Variants in CNNM2 observed in about 807,000 individuals in gnomAD.
CNNM2 encodes the protein metal transporter CNNM2.
A neutral mutation model predicts 66.9 loss-of-function variants in CNNM2; 12 were observed. That is an observed-to-expected ratio of 0.18 (90% CI 0.11 to 0.29). The LOEUF (loss-of-function observed/expected upper bound fraction) is 0.29, where lower values mean the gene tolerates loss of function less well. Ranked by LOEUF, CNNM2 falls within the 10% of genes least tolerant of loss-of-function variation. CNNM2 has a pLI of 1.00. For missense variants in CNNM2, 705 were observed against 1,167.7 expected (o/e 0.60, Z 5.77); for synonymous variants, 557 against 501.8 (o/e 1.11, Z -1.47).
intron 4 of CNNM2, among the ~76,000 whole-genome samples, chr10:103,066,395 G>A (rs1436763267): frequency 2.6e-5 from 4 of 151,972 alleles, no homozygotes; most frequent in Admixed American, 6.6e-5. Flanking sequence ...TGGCTTCTTC[G>A]AATCATGCTG....
intron 1 of CNNM2, chr10:102,927,606 T>G: frequency 1.5e-6 from 1 of 685,720 alleles, no homozygotes; most frequent in South Asian, 2.2e-5. Flanking sequence ...CTAATAAAAA[T>G]ACAGAAAAAT....
intron 1 of CNNM2, among the ~76,000 whole-genome samples, chr10:102,950,713 C>T (rs1328651251): frequency 6.6e-6 from 1 of 151,858 alleles, no homozygotes; most frequent in Non-Finnish European, 1.5e-5. Flanking sequence ...ATGATTAAAC[C>T]AGTACACTCC....
chr10:102,919,086 C>G lies in CNNM2; in HGVS notation c.606C>G (p.Ala202=). Reference sequence around the variant, plus strand: ...CGCTCTCCACGCCCGCCCTGGGCGCCGGCGGCTCGGGGTCCACGGGTGGCG... The same window carrying G: ...CGCTCTCCACGCCCGCCCTGGGCGCGGGCGGCTCGGGGTCCACGGGTGGCG... The part of the protein sequence containing the change: ...CTSLSTPALG[A]GGSGSTGGAV... Residue 202 remains alanine (A), a synonymous_variant, in exon 1 of 8, where the codon GCC becomes GCG. Transcript: ENST00000369878. 1.9e-6 allele frequency: 3 copies of G among 1,611,918 alleles called. No individual in the cohort carries two copies. Among genetic ancestry groups the G allele is most frequent in the Non-Finnish European group, 2.5e-6 (3 of 1,179,352 alleles).
intron 1 of CNNM2, among the ~76,000 whole-genome samples, chr10:103,014,485 G>A (rs768341673): frequency 1.3e-5 from 2 of 152,154 alleles, no homozygotes; most frequent in Non-Finnish European, 2.9e-5. Flanking sequence ...AAGGTCAAGC[G>A]GGTGAGAATT....
Position 103,087,140 on chromosome 10 carries a change from A to ATTTTTTTTTTTTTTTTTTTTT in CNNM2, c.*9972_*9992dup, listed in dbSNP as rs71019655. Reference sequence around the variant, plus strand: ...TTCTCACGGTATAAAACTCCGCAGGATTTTTTTTTTTTTTTTTTTTTTTTT... The same window carrying ATTTTTTTTTTTTTTTTTTTTT: ...TTCTCACGGTATAAAACTCCGCAGGATTTTTTTTTTTTTTTTTTTTTTTTTTTTTTTTTTTTTTTTTTTTTT... On this transcript the variant is annotated 3_prime_UTR_variant, in exon 8 of 8. Coordinates refer to ENST00000369878, the MANE Select transcript of CNNM2 (RefSeq NM_017649.5). The ATTTTTTTTTTTTTTTTTTTTT allele has an allele frequency of 1.3e-5, 1 of 75,376 alleles. No individual in the cohort carries two copies. Among genetic ancestry groups the ATTTTTTTTTTTTTTTTTTTTT allele is most frequent in the African/African-American group, 5.8e-5 (1 of 17,298 alleles). 4.7% of individuals were successfully genotyped at this position (75,376 alleles called of 1,614,324 possible).
Position 103,084,496 on chromosome 10 carries a change from A to G in CNNM2, c.*7316A>G, listed in dbSNP as rs2065785190. On this transcript the variant is annotated 3_prime_UTR_variant, in exon 8 of 8. Coordinates refer to ENST00000369878, the MANE Select transcript of CNNM2 (RefSeq NM_017649.5). ...AGAAAGTGGCAGCAGAGCTAGGGAA[A>G]GAAATCATGGTAGCACATTCACTCC... is the stretch of plus-strand genomic sequence containing the variant. The G allele has an allele frequency of 6.6e-6, 1 of 152,260 alleles. No homozygotes were observed. Among genetic ancestry groups the G allele is most frequent in the Non-Finnish European group, 1.5e-5 (1 of 68,054 alleles). 9.4% of individuals were successfully genotyped at this position (152,260 alleles called of 1,614,324 possible).
At chr10:102,986,620 A>C (rs964221582) in intron 1 of CNNM2, among the ~76,000 whole-genome samples, 1 of 86,804 alleles carries the variant, frequency 1.2e-5, no homozygotes, top group Non-Finnish European at 2.7e-5. Context: ...GTCTCTACTT[A>C]AAAAAAAAAG....
intron 1 of CNNM2, among the ~76,000 whole-genome samples, chr10:103,034,801 C>A (rs1381652879): frequency 1.3e-5 from 2 of 151,874 alleles, no homozygotes; most frequent in East Asian, 1.9e-4. Context: ...CCCGTCTCTA[C>A]TAAAAATACA....
intron 1 of CNNM2, among the ~76,000 whole-genome samples, chr10:102,988,521 C>G (rs2063838815): frequency 6.6e-6 from 1 of 152,106 alleles, no homozygotes; most frequent in Non-Finnish European, 1.5e-5. Context: ...TTTTAAGAAT[C>G]TTATACAAAG....
At chr10:102,993,479 G>A (rs1487566973) in intron 1 of CNNM2, among the ~76,000 whole-genome samples, 3 of 152,178 alleles carry the variant, frequency 2.0e-5, no homozygotes, top group Admixed American at 6.5e-5. Context: ...AGCAACTTCT[G>A]TATAACTTTT....
intron 1 of CNNM2, among the ~76,000 whole-genome samples, chr10:103,019,460 T>G (rs1287305827): frequency 6.6e-6 from 1 of 151,998 alleles, no homozygotes; most frequent in Admixed American, 6.6e-5. Context: ...CCTAAGGCTT[T>G]TGGTGTAAAG....
chr10:102,928,509 G>T (rs1845954485), intron 1 of CNNM2, among the ~76,000 whole-genome samples: 2 of 151,546 alleles, frequency 1.3e-5, no homozygotes, highest in Admixed American at 6.6e-5. Context: ...TTGAACCCAT[G>T]AGGTGGAGGT....
In CNNM2 at chr10:102,919,140, G is replaced by A. The variant is rs2134149908; in HGVS notation, c.660G>A (p.Val220=). The A allele has an allele frequency of 6.2e-7, 1 of 1,609,728 alleles. No homozygotes were observed. The highest frequency in any genetic ancestry group is 1.1e-5 in the South Asian group (1 of 91,014). The change falls in exon 1 of 8, where the codon GTG becomes GTA. Residue 220 remains valine (V), a synonymous_variant. Coordinates refer to ENST00000369878, the MANE Select transcript of CNNM2 (RefSeq NM_017649.5). ...GAVGGKGGSG[V]AGLPPPPWAE... ...TCGGGGGCAAGGGTGGCTCGGGGGT[G>A]GCCGGGCTCCCGCCGCCCCCGTGGG...
chr10:102,987,538 G>A (rs2063820014), intron 1 of CNNM2, among the ~76,000 whole-genome samples: 1 of 152,030 alleles, frequency 6.6e-6, no homozygotes, highest in African/African-American at 2.4e-5. Flanking sequence ...GGCGAGGATG[G>A]TCTCGAACTG....
chr10:103,008,561 T>A (rs1263131514), intron 1 of CNNM2, among the ~76,000 whole-genome samples: 1 of 151,800 alleles, frequency 6.6e-6, no homozygotes, highest in Non-Finnish European at 1.5e-5. Context: ...GGAGGATCAC[T>A]TGAGGTCAGG....
chr10:102,927,541 C>G (rs1138249), intron 1 of CNNM2: 1 of 1,350,760 alleles, frequency 7.4e-7, no homozygotes, highest in Admixed American at 2.3e-5. Flanking sequence ...AGGTGGATCA[C>G]TTGAGGTCAG....
chr10:102,989,311 C>A (rs1304925347), intron 1 of CNNM2, among the ~76,000 whole-genome samples: 1 of 152,136 alleles, frequency 6.6e-6, no homozygotes, highest in African/African-American at 2.4e-5. Context: ...TTAAATTACT[C>A]ATTGTTCAGT....
intron 1 of CNNM2, among the ~76,000 whole-genome samples, chr10:102,940,568 G>A (rs922792200): frequency 2.0e-5 from 3 of 151,666 alleles, no homozygotes; most frequent in Admixed American, 6.6e-5. Context: ...ACAGGTGCCT[G>A]CCACCATGCC....
chr10:102,926,075 T>C (rs1825266904), intron 1 of CNNM2, among the ~76,000 whole-genome samples: 1 of 152,226 alleles, frequency 6.6e-6, no homozygotes, highest in South Asian at 2.1e-4. Context: ...CTTCCTTGAC[T>C]TTTCATTTCT....
Sources: gnomAD v4.1 joint callset for allele counts (sites outside exome capture counted in the v4.1 genomes callset) on GRCh38, gnomAD v4.1.1 for gene constraint, MANE v1.5 for transcripts, NCBI Gene and HGNC (gene_info 2026-07-23, HGNC 2026-07-21) for gene names.